Variants in ALPK1 observed in about 807,000 individuals in gnomAD.
ALPK1 encodes alpha-protein kinase 1.
In ALPK1, 110 loss-of-function variants were observed where a neutral mutation model predicts 120.6. The ratio of observed to expected loss-of-function variants is 0.91; its 90% CI spans 0.78 to 1.07. The LOEUF (loss-of-function observed/expected upper bound fraction) is 1.07. ALPK1 is among the 50% of genes least tolerant of loss of function. The probability of loss-of-function intolerance (pLI) is 0.00; values close to 1 mark genes in which losing one functional copy is unlikely to be tolerated. For missense variants in ALPK1, 1,498 were observed against 1,483.9 expected, an observed-to-expected ratio of 1.01 and a Z score of -0.16; for synonymous variants, 582 against 560.3, an observed-to-expected ratio of 1.04 and a Z score of -0.55.
intron 2 of ALPK1, among the ~76,000 whole-genome samples, chr4:112,332,255 T>C (rs556254073): frequency 7.4e-4 from 113 of 152,312 alleles, no homozygotes; most frequent in African/African-American, 2.7e-3. Context: ...TACCAGTTAA[T>C]TTGCCTGTAT....
chr4:112,404,967 T>A (rs1489324852), intron 4 of ALPK1, among the ~76,000 whole-genome samples: 1 of 152,208 alleles, frequency 6.6e-6, no homozygotes, highest in Non-Finnish European at 1.5e-5. Context: ...TCTTCTACAC[T>A]GGGTGATAGA....
chr4:112,329,106 T>A (rs926538319), intron 2 of ALPK1, among the ~76,000 whole-genome samples: 4 of 152,112 alleles, frequency 2.6e-5, no homozygotes, highest in African/African-American at 9.7e-5. Context: ...TGGCATATAG[T>A]AGGTACCTAT....
chr4:112,427,292 A>G (rs1326056722), intron 8 of ALPK1, among the ~76,000 whole-genome samples: 2 of 152,162 alleles, frequency 1.3e-5, no homozygotes, highest in African/African-American at 4.8e-5. Flanking sequence ...ATTATTACAC[A>G]ATGTATATAT....
At chr4:112,350,410 C>A (rs1367876754) in intron 2 of ALPK1, among the ~76,000 whole-genome samples, 2 of 152,190 alleles carry the variant, frequency 1.3e-5, no homozygotes, top group East Asian at 3.8e-4. Flanking sequence ...GTACGTATCA[C>A]ACCAACATCG....
intron 11 of ALPK1, among the ~76,000 whole-genome samples, chr4:112,433,608 C>T (rs1227244229): frequency 1.3e-5 from 2 of 152,182 alleles, no homozygotes; most frequent in African/African-American, 4.8e-5. Context: ...TAGTCAATGT[C>T]TAACACAGCT....
chr4:112,441,455 T>A lies in ALPK1; in HGVS notation c.*245T>A. ...ACAGCCCCAACTCACCCATGAGGGA[T>A]GAAAAGCACTCTTGAGAAAGGCATG... On this transcript the variant is annotated 3_prime_UTR_variant, in exon 16 of 16. Transcript: ENST00000650871. 3.5e-6 allele frequency: 2 copies of A among 567,594 alleles called. No individual in the cohort carries two copies. Among genetic ancestry groups the A allele is most frequent in the East Asian group, 2.9e-5 (1 of 34,762 alleles). The allele number at this position is 567,594 out of a possible 1,614,324, so 35.2% of individuals were successfully genotyped here. A position where few individuals can be genotyped will look rare whatever the true frequency, so the allele number is the denominator to read the frequency against.
At chr4:112,356,845 C>T (rs1003599420) in intron 2 of ALPK1, 5 of 732,382 alleles carry the variant, frequency 6.8e-6, no homozygotes, top group South Asian at 6.7e-5. Context: ...GAGCACACAA[C>T]ATTGACCTTA....
At chr4:112,361,474 A>G (rs1213637311) in intron 2 of ALPK1, among the ~76,000 whole-genome samples, 1 of 152,174 alleles carries the variant, frequency 6.6e-6, no homozygotes, top group Non-Finnish European at 1.5e-5. Context: ...CTGTGTGTGT[A>G]ATGCAGCAGA....
At chr4:112,357,475 C>A in intron 2 of ALPK1, 1 of 724,982 alleles carries the variant, frequency 1.4e-6, no homozygotes. Flanking sequence ...AGGGAAGGTG[C>A]TGAGCTACTG....
intron 4 of ALPK1, among the ~76,000 whole-genome samples, chr4:112,401,541 G>T (rs776305516): frequency 6.6e-6 from 1 of 152,168 alleles, no homozygotes; most frequent in Non-Finnish European, 1.5e-5. Flanking sequence ...AGAGAAGAAG[G>T]TCATGGGCAA....
At chr4:112,414,411 A>G (rs1369033991) in intron 5 of ALPK1, 6 of 418,058 alleles carry the variant, frequency 1.4e-5, no homozygotes, top group Non-Finnish European at 3.0e-5. Context: ...GTTCGAGACC[A>G]GCCTGGACAA....
At chr4:112,329,968 T>G (rs765403372) in intron 2 of ALPK1, among the ~76,000 whole-genome samples, 3 of 152,254 alleles carry the variant, frequency 2.0e-5, no homozygotes, top group Non-Finnish European at 4.4e-5. Context: ...CTTACGTATT[T>G]ACTTAAGTAC....
At chr4:112,418,858 T>C (rs1733863413) in intron 5 of ALPK1, among the ~76,000 whole-genome samples, 1 of 152,118 alleles carries the variant, frequency 6.6e-6, no homozygotes, top group African/African-American at 2.4e-5. Flanking sequence ...TTTTAAGTCA[T>C]GTCAAGAAAA....
chr4:112,433,756 C>T (rs910554263), intron 11 of ALPK1, among the ~76,000 whole-genome samples: 4 of 152,130 alleles, frequency 2.6e-5, no homozygotes, highest in African/African-American at 9.7e-5. Flanking sequence ...AAGCACTTCC[C>T]AGAAGAGATA....
intron 4 of ALPK1, chr4:112,383,312 TA>T (rs1732007374): frequency 1.3e-5 from 2 of 151,522 alleles, no homozygotes; most frequent in East Asian, 1.9e-4. Context: ...TTTTCTCAAA[TA>T]AAAAATATAT....
At chr4:112,342,911 CAGA>C (rs1729921347) in intron 2 of ALPK1, 2 of 152,170 alleles carry the variant, frequency 1.3e-5, no homozygotes, top group South Asian at 4.1e-4. Flanking sequence ...TGCTGGGGCC[CAGA>C]ATACATGGGA....
At chr4:112,385,737 C>G (rs1279130305) in intron 4 of ALPK1, among the ~76,000 whole-genome samples, 1 of 152,014 alleles carries the variant, frequency 6.6e-6, no homozygotes, top group Admixed American at 6.6e-5. Flanking sequence ...CCAATCTGGT[C>G]GATTTCAATA....
At position 112,357,767 on chromosome 4, in the gene ALPK1, G is replaced by A. The variant is rs569271216; in HGVS notation, c.-100-19911G>A. The stretch of plus-strand genomic sequence containing the variant: ...GGGAAGGCTCTGGGCAACATCGCCC[G>A]CATGGTGCCCTATGGGCTCCTGATC... On this transcript the variant is annotated intron_variant, in intron 2 of 15. Coordinates refer to ENST00000650871, the MANE Select transcript of ALPK1 (RefSeq NM_025144.4). 2.7e-5 allele frequency: 31 copies of A among 1,133,442 alleles called. 1 individual carries two copies. Among genetic ancestry groups the A allele is most frequent in the Admixed American group, 1.2e-4 (7 of 58,914 alleles). The allele number at this position is 1,133,442 out of a possible 1,614,324, so 70.2% of individuals were successfully genotyped here. A position where few individuals can be genotyped will look rare whatever the true frequency, so the allele number is the denominator to read the frequency against.
chr4:112,391,800 C>A (rs910477395), intron 4 of ALPK1, among the ~76,000 whole-genome samples: 33 of 152,210 alleles, frequency 2.2e-4, no homozygotes, highest in African/African-American at 6.5e-4. Flanking sequence ...AGGAATGATA[C>A]ATCTATATTC....
Sources: allele counts gnomAD v4.1 joint callset (sites outside exome capture counted in the v4.1 genomes callset), GRCh38; gene constraint gnomAD v4.1.1; transcripts MANE v1.5; gene names NCBI Gene and HGNC (gene_info 2026-07-23, HGNC 2026-07-21).